ZNF148: variants seen among roughly 807,000 people sequenced by gnomAD.
ZNF148 encodes the protein zinc finger protein 148.
ZNF148 carries 7 observed loss-of-function variants against 67.7 expected under a neutral mutation model. The observed-to-expected ratio is 0.10, with a 90% CI of 0.06 to 0.19. ZNF148 has a LOEUF of 0.19. ZNF148 is among the 10% of genes least tolerant of loss of function. ZNF148 has a pLI of 1.00. For missense variants in ZNF148, 583 were observed against 947.1 expected, an observed-to-expected ratio of 0.62 and a Z score of 5.05; for synonymous variants, 333 against 330.7, an observed-to-expected ratio of 1.01 and a Z score of -0.08.
At chr3:125,255,327 A>ACCTCTG (rs1937025935) in intron 7 of ZNF148, among the ~76,000 whole-genome samples, 1 of 133,784 alleles carries the variant, frequency 7.5e-6, no homozygotes, top group Non-Finnish European at 1.5e-5. Context: ...GCTCACTGCA[A>ACCTCTG]CCTCTGCCTC....
intron 7 of ZNF148, among the ~76,000 whole-genome samples, chr3:125,262,175 C>T (rs1937373799): frequency 6.6e-6 from 1 of 152,144 alleles, no homozygotes; most frequent in Non-Finnish European, 1.5e-5. Flanking sequence ...GATATCAATC[C>T]ATGAAAATGT....
At chr3:125,344,514 AC>A (rs1941863402) in intron 1 of ZNF148, 1 of 1,133,402 alleles carries the variant, frequency 8.8e-7, no homozygotes, top group African/African-American at 1.5e-5. Flanking sequence ...CATCTGGGTT[AC>A]AAAATGTGAA....
intron 5 of ZNF148, among the ~76,000 whole-genome samples, chr3:125,286,632 AAAC>A (rs1938675316): frequency 6.6e-6 from 1 of 152,216 alleles, no homozygotes; most frequent in Non-Finnish European, 1.5e-5. Flanking sequence ...ATGTCCAATA[AAAC>A]AACCATTAAA....
chr3:125,324,937 A>G (rs187088597), intron 2 of ZNF148, among the ~76,000 whole-genome samples: 75 of 152,256 alleles, frequency 4.9e-4, no homozygotes, highest in African/African-American at 1.4e-3. Context: ...ACTTTTGTGC[A>G]AAGTAAAATT....
chr3:125,309,738 T>A (rs1940094916), intron 4 of ZNF148, among the ~76,000 whole-genome samples: 1 of 152,228 alleles, frequency 6.6e-6, no homozygotes, highest in Non-Finnish European at 1.5e-5. Flanking sequence ...TTTGGAAAGA[T>A]CACTGTAGAA....
At chr3:125,238,216 C>T (rs1480885058) in intron 7 of ZNF148, among the ~76,000 whole-genome samples, 2 of 152,044 alleles carry the variant, frequency 1.3e-5, no homozygotes, top group East Asian at 3.8e-4. Flanking sequence ...TCCTTATGAC[C>T]TTAGTTAGGC....
At position 125,231,134 on chromosome 3, in the gene ZNF148, T is replaced by C. The variant is rs981466931; in HGVS notation, c.*1207A>G. ...TAGTAAACACTTTTGGTTTGTAAAG[T>C]TGTAATGAGCAGTGTTCATTAAAAA... On this transcript the variant is annotated 3_prime_UTR_variant, in exon 9 of 9. Transcript: ENST00000360647. 6.6e-6 allele frequency: 1 copy of C among 152,226 alleles called. No homozygotes were observed. Among genetic ancestry groups the C allele is most frequent in the African/African-American group, 2.4e-5 (1 of 41,404 alleles). 9.4% of individuals were successfully genotyped at this position (152,226 alleles called of 1,614,324 possible).
At chr3:125,294,442 G>A (rs1233644043) in intron 4 of ZNF148, among the ~76,000 whole-genome samples, 4 of 152,190 alleles carry the variant, frequency 2.6e-5, no homozygotes, top group African/African-American at 9.7e-5. Context: ...GAAGCTGTGT[G>A]AAAAGTTCAT....
At chr3:125,236,162 T>A (rs1035149450) in intron 7 of ZNF148, among the ~76,000 whole-genome samples, 1 of 152,150 alleles carries the variant, frequency 6.6e-6, no homozygotes, top group African/African-American at 2.4e-5. Context: ...AGATTATATT[T>A]CTTTAGGTCA....
chr3:125,369,575 G>A (rs1029776997), intron 1 of ZNF148, among the ~76,000 whole-genome samples: 5 of 151,542 alleles, frequency 3.3e-5, no homozygotes, highest in African/African-American at 7.3e-5. Context: ...AAAACATTCT[G>A]AACACTGCTA....
chr3:125,287,314 G>C (rs1168445761), intron 5 of ZNF148, among the ~76,000 whole-genome samples: 1 of 152,136 alleles, frequency 6.6e-6, no homozygotes, highest in Non-Finnish European at 1.5e-5. Flanking sequence ...TACCAAAAAT[G>C]CTGTATACAT....
chr3:125,309,905 G>C (rs1209249644), intron 4 of ZNF148, among the ~76,000 whole-genome samples: 1 of 152,002 alleles, frequency 6.6e-6, no homozygotes, highest in African/African-American at 2.4e-5. Context: ...ACAACATTCT[G>C]GGCCATAAAA....
intron 7 of ZNF148, among the ~76,000 whole-genome samples, chr3:125,276,646 C>T (rs1247293684): frequency 6.6e-6 from 1 of 151,986 alleles, no homozygotes; most frequent in Admixed American, 6.6e-5. Flanking sequence ...GTTGGTCAGG[C>T]TGGTATCGAA....
At chr3:125,285,259 A>G (rs1464268755) in intron 5 of ZNF148, among the ~76,000 whole-genome samples, 9 of 152,204 alleles carry the variant, frequency 5.9e-5, no homozygotes, top group Admixed American at 5.9e-4. Flanking sequence ...TAAGGAATTT[A>G]AAACAAGTAA....
chr3:125,273,477 CTCTTT>C (rs1263102635), intron 7 of ZNF148, among the ~76,000 whole-genome samples: 1 of 148,618 alleles, frequency 6.7e-6, no homozygotes, highest in Non-Finnish European at 1.5e-5. Context: ...TTTCAAAAAT[CTCTTT>C]TTTTTGGGAA....
chr3:125,366,889 A>G (rs1942720154), intron 1 of ZNF148, among the ~76,000 whole-genome samples: 1 of 152,164 alleles, frequency 6.6e-6, no homozygotes, highest in South Asian at 2.1e-4. Context: ...CTAAAATTCC[A>G]CTTTTATGCC....
At chr3:125,356,131 G>GTAA (rs770582415) in intron 1 of ZNF148, among the ~76,000 whole-genome samples, 7 of 152,166 alleles carry the variant, frequency 4.6e-5, no homozygotes, top group Non-Finnish European at 8.8e-5. Context: ...GTACCACTGG[G>GTAA]TAATATACTC....
chr3:125,359,821 C>A (rs1045140925), intron 1 of ZNF148, among the ~76,000 whole-genome samples: 2 of 152,218 alleles, frequency 1.3e-5, no homozygotes, highest in Non-Finnish European at 2.9e-5. Flanking sequence ...CTTCAGCGAG[C>A]GCCCACCTGC....
At chr3:125,281,008 A>G (rs1460143023) in intron 5 of ZNF148, among the ~76,000 whole-genome samples, 1 of 152,222 alleles carries the variant, frequency 6.6e-6, no homozygotes, top group Non-Finnish European at 1.5e-5. Context: ...GGCAGTACGT[A>G]AGGGAAAAAA....
Sources: gnomAD v4.1 joint callset for allele counts (sites outside exome capture counted in the v4.1 genomes callset) on GRCh38, gnomAD v4.1.1 for gene constraint, MANE v1.5 for transcripts, NCBI Gene and HGNC (gene_info 2026-07-23, HGNC 2026-07-21) for gene names.